NCR3LG1: variants seen among roughly 807,000 people sequenced by gnomAD.
NCR3LG1 encodes natural killer cell cytotoxicity receptor 3 ligand 1.
Under a neutral mutation model 34.8 loss-of-function variants are expected in NCR3LG1, and 35 were observed. That is an observed-to-expected ratio of 1.01 (90% CI 0.77 to 1.33). The LOEUF is 1.33. NCR3LG1 is among the 40% of genes most tolerant of loss of function. NCR3LG1 has a pLI of 0.00. For synonymous variants in NCR3LG1, 173 were observed against 163.6 expected (o/e 1.06, Z -0.44); for missense variants, 452 against 423.3 (o/e 1.07, Z -0.60).
chr11:17,364,864 C>T (rs778344048), intron 2 of NCR3LG1, among the ~76,000 whole-genome samples: 1 of 152,160 alleles, frequency 6.6e-6, no homozygotes, highest in South Asian at 2.1e-4. Flanking sequence ...AGTTTCAAGT[C>T]TACTGTTGAA....
intron 2 of NCR3LG1, among the ~76,000 whole-genome samples, chr11:17,362,745 TTTCTTTC>T (rs1436988353): frequency 0.026 from 2,792 of 108,042 alleles, 408 homozygotes; most frequent in African/African-American, 0.13. Flanking sequence ...TCTTTCTTTC[TTTCTTTC>T]TTTCTTTCTT....
In NCR3LG1 at chr11:17,372,400, C is replaced by T. The variant is rs780504419; in HGVS notation, c.1253C>T (p.Pro418Leu). ...CCTAGGGAACACTCGGATGCAGTTC[C>T]GGATGCCCCAATCCTTCCTGTCTCC... ...QTPREHSDAV[P>L]DAPILPVSPI... is the part of the protein sequence containing the mutation. The change falls in exon 5 of 5, where the codon CCG (proline) becomes CTG (leucine). Residue 418 changes from proline to leucine, a missense_variant. Coordinates refer to ENST00000338965, the MANE Select transcript of NCR3LG1 (RefSeq NM_001202439.3). 64 of 703,090 alleles carry T rather than the reference C, an allele frequency of 9.1e-5. No homozygotes were observed. The highest frequency in any genetic ancestry group is 4.6e-4 in the Middle Eastern group (2 of 4,394). 43.6% of individuals were successfully genotyped at this position (703,090 alleles called of 1,614,324 possible).
chr11:17,376,418 ACGTCACACC>A lies in NCR3LG1; in HGVS notation c.*3908_*3916del. On this transcript the variant is annotated 3_prime_UTR_variant, in exon 5 of 5. Coordinates refer to ENST00000338965, the MANE Select transcript of NCR3LG1 (RefSeq NM_001202439.3). Reference sequence around the variant, plus strand: ...AGGACTTTTTATTGGGTTTGGTAATACGTCACACCCTTTAGCCTCTACTGTGTCAGCCAT... The same window carrying A: ...AGGACTTTTTATTGGGTTTGGTAATACTTTAGCCTCTACTGTGTCAGCCAT... 6.6e-6 allele frequency: 1 copy of A among 152,288 alleles called. No homozygotes were observed. The highest frequency in any genetic ancestry group is 1.9e-4 in the East Asian group (1 of 5,186). The allele number at this position is 152,288 out of a possible 1,614,324, so 9.4% of individuals were successfully genotyped here.
At chr11:17,356,613 A>G in intron 1 of NCR3LG1, 38 bp from the exon 2 acceptor site, 6 of 1,399,354 alleles carry the variant, frequency 4.3e-6, no homozygotes, top group East Asian at 2.5e-5. Context: ...ATGTTCATAC[A>G]TTGGTAAACT....
In NCR3LG1 at chr11:17,375,634, G is replaced by A. The variant is rs986329760; in HGVS notation, c.*3122G>A. 3 of 152,188 alleles carry A rather than the reference G, an allele frequency of 2.0e-5. No individual in the cohort carries two copies. Among genetic ancestry groups the A allele is most frequent in the Non-Finnish European group, 4.4e-5 (3 of 68,044 alleles). 9.4% of individuals were successfully genotyped at this position (152,188 alleles called of 1,614,324 possible). Reference sequence around the variant, plus strand: ...TGGGTCTTGCATTAAATACCATCAAGACATCAACAGGCTATTATCCTCAGT... The same window carrying A: ...TGGGTCTTGCATTAAATACCATCAAAACATCAACAGGCTATTATCCTCAGT... On this transcript the variant is annotated 3_prime_UTR_variant, in exon 5 of 5. Coordinates refer to ENST00000338965, the MANE Select transcript of NCR3LG1 (RefSeq NM_001202439.3).
chr11:17,360,984 G>A (rs1052225684), intron 2 of NCR3LG1, among the ~76,000 whole-genome samples: 2 of 151,904 alleles, frequency 1.3e-5, no homozygotes, highest in African/African-American at 2.4e-5. Context: ...GATCTCCCCC[G>A]TCTCAGCCTC....
At chr11:17,362,263 C>T (rs1953277056) in intron 2 of NCR3LG1, among the ~76,000 whole-genome samples, 1 of 151,482 alleles carries the variant, frequency 6.6e-6, no homozygotes, top group African/African-American at 2.4e-5. Flanking sequence ...GATATGATGA[C>T]TTACATTAAC....
At chr11:17,353,553 C>G (rs1044826171) in intron 1 of NCR3LG1, among the ~76,000 whole-genome samples, 9 of 152,222 alleles carry the variant, frequency 5.9e-5, no homozygotes, top group Non-Finnish European at 8.8e-5. Context: ...CCCGCGCCCC[C>G]TCCCGGGCCC....
Position 17,372,501 on chromosome 11 carries a change from C to A in NCR3LG1, c.1354C>A (p.Pro452Thr), listed in dbSNP as rs1176630665. The A allele has an allele frequency of 5.7e-6, 4 of 698,430 alleles. No homozygotes were observed. Among genetic ancestry groups the A allele is most frequent in the Non-Finnish European group, 1.0e-5 (4 of 382,138 alleles). The allele number at this position is 698,430 out of a possible 1,614,324, so 43.3% of individuals were successfully genotyped here. A position where few individuals can be genotyped will look rare whatever the true frequency, so the allele number is the denominator to read the frequency against. Residue 452 changes from proline to threonine, a missense_variant, in exon 5 of 5, where the codon CCC (proline) becomes ACC (threonine). Physicochemically the swap from Pro to Thr is conservative, Grantham distance 38. Coordinates refer to ENST00000338965, the MANE Select transcript of NCR3LG1 (RefSeq NM_001202439.3). ...LSSQPPTLLL[P>T]LQ ...CTCCCAACCCCCAACTTTACTGTTA[C>A]CCCTACAGTAAATGCCTGATGGACC...
chr11:17,351,929 TCC>T lies in NCR3LG1; in HGVS notation c.-39_-38del. 1 of 1,493,412 alleles carries T rather than the reference TCC, an allele frequency of 6.7e-7. No individual in the cohort carries two copies. Among genetic ancestry groups the T allele is most frequent in the Non-Finnish European group, 9.0e-7 (1 of 1,109,992 alleles). The allele number at this position is 1,493,412 out of a possible 1,614,324, so 92.5% of individuals were successfully genotyped here. A position where few individuals can be genotyped will look rare whatever the true frequency, so the allele number is the denominator to read the frequency against. On this transcript the variant is annotated 5_prime_UTR_variant, in exon 1 of 5. Coordinates refer to ENST00000338965, the MANE Select transcript of NCR3LG1 (RefSeq NM_001202439.3). ...CCTTGGTTTCTACCGGGCCGCCTGC[TCC>T]CACTCGGCGAAAAAAATTACACAAC...
chr11:17,371,748 A>G (rs887141529), intron 4 of NCR3LG1, among the ~76,000 whole-genome samples: 20 of 152,154 alleles, frequency 1.3e-4, no homozygotes, highest in Non-Finnish European at 2.1e-4. Flanking sequence ...CAGGAGCCTT[A>G]TGGGCCAAGT....
Position 17,372,935 on chromosome 11 carries a change from A to G in NCR3LG1, c.*423A>G, listed in dbSNP as rs1263047662. ...GAGGGCCTACAGAGGACCAGAGCCAAGCCTCTTAATTACCCCAAACTCTCC... is the reference window on the plus strand; with the variant it reads ...GAGGGCCTACAGAGGACCAGAGCCAGGCCTCTTAATTACCCCAAACTCTCC... On this transcript the variant is annotated 3_prime_UTR_variant, in exon 5 of 5. Coordinates refer to ENST00000338965, the MANE Select transcript of NCR3LG1 (RefSeq NM_001202439.3). 1 of 164,886 alleles carries G rather than the reference A, an allele frequency of 6.1e-6. No homozygotes were observed. Among genetic ancestry groups the G allele is most frequent in the African/African-American group, 2.4e-5 (1 of 41,688 alleles). 10.2% of individuals were successfully genotyped at this position (164,886 alleles called of 1,614,324 possible).
In NCR3LG1 at chr11:17,372,261, G is replaced by A. The variant is rs955243255; in HGVS notation, c.1114G>A (p.Ala372Thr). Residue 372 changes from alanine to threonine, a missense_variant, in exon 5 of 5, where the codon GCC becomes ACC. By Grantham distance (58) the Ala-to-Thr change is moderately conservative. Transcript: ENST00000338965. ...GGTTCCTTATGTGCAAGCCTTCTTT[G>A]CCTTGCGAGACAACCCAGATCTTTG... ...SEVPYVQAFFALRDNPDLCQC... is the reference protein window; with the variant it reads ...SEVPYVQAFFTLRDNPDLCQC... 8 of 703,026 alleles carry A rather than the reference G, an allele frequency of 1.1e-5. No individual in the cohort carries two copies. Among genetic ancestry groups the A allele is most frequent in the Non-Finnish European group, 1.8e-5 (7 of 385,048 alleles). The allele number at this position is 703,026 out of a possible 1,614,324, so 43.5% of individuals were successfully genotyped here. A position where few individuals can be genotyped will look rare whatever the true frequency, so the allele number is the denominator to read the frequency against.
In NCR3LG1 at chr11:17,375,298, T is replaced by C. The variant is rs1404503176; in HGVS notation, c.*2786T>C. 6.6e-6 allele frequency: 1 copy of C among 152,184 alleles called. No homozygotes were observed. Among genetic ancestry groups the C allele is most frequent in the Non-Finnish European group, 1.5e-5 (1 of 68,036 alleles). 9.4% of individuals were successfully genotyped at this position (152,184 alleles called of 1,614,324 possible). A position where few individuals can be genotyped will look rare whatever the true frequency, so the allele number is the denominator to read the frequency against. On this transcript the variant is annotated 3_prime_UTR_variant, in exon 5 of 5. Transcript: ENST00000338965. ...ATTGTGAACAGACTGTAGTACAACC[T>C]ATGCCGCTAGGGAGGATCTCAAAGA...
At chr11:17,357,028 A>T in intron 2 of NCR3LG1, 27 bp downstream of exon 2, 1 of 1,436,226 alleles carries the variant, frequency 7.0e-7, no homozygotes, top group South Asian at 1.4e-5. Flanking sequence ...AGTGCCCTAC[A>T]GTTCCCATGG....
chr11:17,353,406 G>T (rs1953162493), intron 1 of NCR3LG1, among the ~76,000 whole-genome samples: 1 of 152,050 alleles, frequency 6.6e-6, no homozygotes, highest in Admixed American at 6.5e-5. Context: ...CTGCGGACTT[G>T]AAACGCCTGT....
intron 2 of NCR3LG1, among the ~76,000 whole-genome samples, chr11:17,360,388 T>C (rs1021874809): frequency 3.3e-5 from 5 of 152,214 alleles, no homozygotes; most frequent in African/African-American, 1.2e-4. Context: ...AAGTTCTTAA[T>C]TTTAAAAAGT....
In NCR3LG1 at chr11:17,372,355, C is replaced by T. The variant is rs1244172535; in HGVS notation, c.1208C>T (p.Thr403Ile). 1 of 703,092 alleles carries T rather than the reference C, an allele frequency of 1.4e-6. No individual in the cohort carries two copies. Among genetic ancestry groups the T allele is most frequent in the Admixed American group, 2.0e-5 (1 of 50,014 alleles). The allele number at this position is 703,092 out of a possible 1,614,324, so 43.6% of individuals were successfully genotyped here. A position where few individuals can be genotyped will look rare whatever the true frequency, so the allele number is the denominator to read the frequency against. Reference sequence around the variant, plus strand: ...GGCAAGTCCATAGATGATAATTCCACAAAGTCTGAGAAACAAACCCCTAGG... The same window carrying T: ...GGCAAGTCCATAGATGATAATTCCATAAAGTCTGAGAAACAAACCCCTAGG... ...TSGKSIDDNS[T>I]KSEKQTPREH... is the part of the protein sequence containing the mutation. Residue 403 changes from threonine (T) to isoleucine (I), a missense_variant, in exon 5 of 5, where the codon ACA becomes ATA. By Grantham distance (89) the Thr-to-Ile change is moderately conservative. Coordinates refer to ENST00000338965, the MANE Select transcript of NCR3LG1 (RefSeq NM_001202439.3).
At chr11:17,360,277 A>C (rs530799028) in intron 2 of NCR3LG1, among the ~76,000 whole-genome samples, 1 of 152,226 alleles carries the variant, frequency 6.6e-6, no homozygotes, top group Non-Finnish European at 1.5e-5. Flanking sequence ...TCCTTTGTAC[A>C]TTCTGGATAC....
Sources: allele counts gnomAD v4.1 joint callset (sites outside exome capture counted in the v4.1 genomes callset), GRCh38; gene constraint gnomAD v4.1.1; transcripts MANE v1.5; gene names NCBI Gene and HGNC (gene_info 2026-07-23, HGNC 2026-07-21).